The following NSMAF variants were observed in gnomAD, a reference collection of about 807,000 sequenced individuals.
The protein encoded by NSMAF is protein FAN.
Under a neutral mutation model 134.9 loss-of-function variants are expected in NSMAF, and 90 were observed. The observed-to-expected ratio is 0.67, with a 90% CI of 0.56 to 0.79. The LOEUF (loss-of-function observed/expected upper bound fraction) is 0.79, where lower values mean the gene tolerates loss of function less well. NSMAF is among the 30% of genes least tolerant of loss of function. NSMAF has a pLI of 0.00. For synonymous variants in NSMAF, 358 were observed against 389.6 expected, an observed-to-expected ratio of 0.92 and a Z score of 0.96; for missense variants, 1,010 against 1,119.0, an observed-to-expected ratio of 0.90 and a Z score of 1.39.
At position 58,597,553 on chromosome 8, in the gene NSMAF, T is replaced by G; in HGVS notation, c.1629-3A>C. On this transcript the variant is annotated splice_region_variant and splice_polypyrimidine_tract_variant and intron_variant, in intron 20 of 30. Transcript: ENST00000038176. ...CCTTCTCATCAGGATCCTGGATGCT[T>G]TGGGACAGAACACAAATAATGCAGT... is the stretch of plus-strand genomic sequence containing the variant. The G allele has an allele frequency of 1.2e-6, 2 of 1,613,894 alleles. No homozygotes were observed.
intron 9 of NSMAF, among the ~76,000 whole-genome samples, chr8:58,611,407 G>T (rs1028137820): frequency 6.6e-6 from 1 of 152,116 alleles, no homozygotes; most frequent in African/African-American, 2.4e-5. Context: ...AGGCATGGTG[G>T]CATGTGCCTG....
At chr8:58,659,524 C>T in intron 1 of NSMAF, 49 bp downstream of exon 1, 25 of 1,517,280 alleles carry the variant, frequency 1.6e-5, no homozygotes, top group Non-Finnish European at 2.2e-5. Context: ...TCCCCACGAC[C>T]GGCCCCGACT....
At chr8:58,588,379 G>C (rs1805941358) in intron 26 of NSMAF, 1 of 972,804 alleles carries the variant, frequency 1.0e-6, no homozygotes, top group Non-Finnish European at 1.6e-6. Context: ...TTTTTCTCCA[G>C]AGAATAGCCT....
intron 6 of NSMAF, among the ~76,000 whole-genome samples, chr8:58,626,175 T>C (rs1193137932): frequency 3.4e-5 from 5 of 149,102 alleles, no homozygotes; most frequent in Non-Finnish European, 4.4e-5. Flanking sequence ...CTTGGCTCTC[T>C]GCAAGCTCTG....
intron 22 of NSMAF, chr8:58,594,540 C>T: frequency 2.1e-6 from 1 of 467,112 alleles, no homozygotes; most frequent in Non-Finnish European, 3.8e-6. Flanking sequence ...CAATGCTTTA[C>T]ATATTCCTGA....
chr8:58,631,150 A>G (rs1807048219), intron 6 of NSMAF, among the ~76,000 whole-genome samples: 1 of 152,188 alleles, frequency 6.6e-6, no homozygotes. Flanking sequence ...AAATATTTCT[A>G]GAATATTTTT....
intron 9 of NSMAF, among the ~76,000 whole-genome samples, chr8:58,617,240 A>G (rs952286499): frequency 2.6e-5 from 4 of 152,236 alleles, no homozygotes; most frequent in African/African-American, 9.6e-5. Context: ...CATTCAGGAC[A>G]TAGGCATGGG....
intron 9 of NSMAF, among the ~76,000 whole-genome samples, chr8:58,614,072 G>C (rs553619292): frequency 6.6e-6 from 1 of 152,322 alleles, no homozygotes; most frequent in East Asian, 1.9e-4. Flanking sequence ...TCAGGTTTGT[G>C]TAAGTGCACC....
chr8:58,592,070 T>C (rs1450345884), intron 23 of NSMAF, among the ~76,000 whole-genome samples: 3 of 152,206 alleles, frequency 2.0e-5, no homozygotes, highest in African/African-American at 4.8e-5. Context: ...CAGTATCACT[T>C]GAACTTTCCC....
intron 6 of NSMAF, among the ~76,000 whole-genome samples, chr8:58,624,461 GTTT>G (rs1806869748): frequency 6.7e-6 from 1 of 149,482 alleles, no homozygotes; most frequent in African/African-American, 2.5e-5. Context: ...GGTATATCAT[GTTT>G]TCATTTATCT....
In NSMAF at chr8:58,602,114, G is replaced by A. The variant is rs561860265; in HGVS notation, c.1069C>T (p.Arg357Trp). The A allele has an allele frequency of 2.9e-5, 46 of 1,613,136 alleles. No homozygotes were observed. The highest frequency in any genetic ancestry group is 4.5e-5 in the East Asian group (2 of 44,830). Residue 357 changes from arginine (R) to tryptophan (W), a missense_variant, in exon 14 of 31, where the codon CGG becomes TGG. Arg to Trp is a moderately radical substitution (Grantham distance 101, BLOSUM62 -3). Transcript: ENST00000038176. ...GCCCCTACTGGCTTACTGAGATCCC[G>A]GAAGGTTCCTGGATTTGACAAATCT... is the stretch of plus-strand genomic sequence containing the variant. Reference protein sequence around the residue: ...ELDLSNPGTFRDLSKPVGALN... With the variant: ...ELDLSNPGTFWDLSKPVGALN...
Position 58,643,074 on chromosome 8 carries a change from C to T in NSMAF, c.60-1G>A. ...CAAGTTAAGCAGCAGCAAGGAAAAT[C>T]TGGATTTGGGGCGAAAAAACAACTT... On this transcript the variant is annotated splice_acceptor_variant, in intron 1 of 30. Coordinates refer to ENST00000038176, the MANE Select transcript of NSMAF (RefSeq NM_003580.4). LOFTEE classifies it high-confidence loss of function. 2 of 1,613,540 alleles carry T rather than the reference C, an allele frequency of 1.2e-6. No individual in the cohort carries two copies. Among genetic ancestry groups the T allele is most frequent in the Non-Finnish European group, 1.7e-6 (2 of 1,179,560 alleles).
Position 58,589,478 on chromosome 8 carries a change from A to C in NSMAF, c.2185T>G (p.Ser729Ala). 6.5e-7 allele frequency: 1 copy of C among 1,548,140 alleles called. No homozygotes were observed. The highest frequency in any genetic ancestry group is 8.6e-7 in the Non-Finnish European group (1 of 1,157,390). The change falls in exon 26 of 31, where the codon TCT (serine) becomes GCT (alanine). Residue 729 changes from serine to alanine, a missense_variant. Coordinates refer to ENST00000038176, the MANE Select transcript of NSMAF (RefSeq NM_003580.4). The part of the protein sequence containing the change: ...KICWHDNRLY[S>A]ASWDSTVKVW... The stretch of plus-strand genomic sequence containing the variant: ...TTCACTGTAGAGTCCCACGATGCAG[A>C]ATATAGCCTGTTGTCATGCCAACAG...
chr8:58,597,588 G>A (rs201285723), intron 20 of NSMAF, 38 bp from the exon 21 acceptor site: 2 of 1,600,798 alleles, frequency 1.2e-6, no homozygotes, highest in East Asian at 4.5e-5. Context: ...TGAACCACTA[G>A]GTTCGAGTTC....
In NSMAF at chr8:58,646,044, AATC is replaced by A. The variant is rs140848286; in HGVS notation, c.60-2974_60-2972del. On this transcript the variant is annotated intron_variant, in intron 1 of 30. Coordinates refer to ENST00000038176, the MANE Select transcript of NSMAF (RefSeq NM_003580.4). ...CAACAAGAGCGAGACTCCGTCTCAAAATCATCATCATCATCATCATCATCATCT... is the reference window on the plus strand; with the variant it reads ...CAACAAGAGCGAGACTCCGTCTCAAAATCATCATCATCATCATCATCATCT... Among the ~76,000 whole-genome samples the A allele has an allele frequency of 3.6e-4, 54 of 151,892 alleles. 2 individuals carry two copies. The highest frequency in any genetic ancestry group is 4.2e-4 in the South Asian group (2 of 4,808).
chr8:58,624,093 G>A (rs961167172), intron 6 of NSMAF, among the ~76,000 whole-genome samples: 6 of 140,718 alleles, frequency 4.3e-5, no homozygotes, highest in African/African-American at 1.6e-4. Context: ...CCAGGCTGGC[G>A]TGCAGTGGCA....
At chr8:58,588,776 G>A (rs187747757) in intron 26 of NSMAF, 15 of 1,093,550 alleles carry the variant, frequency 1.4e-5, no homozygotes, top group African/African-American at 3.0e-5. Context: ...TTGGAGGCAC[G>A]GACCGGAGAG....
intron 26 of NSMAF, chr8:58,588,564 C>T (rs1005935669): frequency 2.5e-5 from 32 of 1,258,060 alleles, no homozygotes; most frequent in Middle Eastern, 4.7e-4. Flanking sequence ...GCTTCACATA[C>T]AGCTTGGGAA....
At chr8:58,633,323 C>T (rs748423390) in intron 5 of NSMAF, among the ~76,000 whole-genome samples, 11 of 152,218 alleles carry the variant, frequency 7.2e-5, no homozygotes, top group Non-Finnish European at 1.6e-4. Flanking sequence ...TCCCCCACCA[C>T]TCTCTGTACC....
Sources: gnomAD v4.1 joint callset for allele counts (sites outside exome capture counted in the v4.1 genomes callset) on GRCh38, gnomAD v4.1.1 for gene constraint, MANE v1.5 for transcripts, NCBI Gene and HGNC (gene_info 2026-07-23, HGNC 2026-07-21) for gene names.